The following PRCP variants were observed in gnomAD, a reference collection of about 807,000 sequenced individuals.
PRCP encodes the protein lysosomal Pro-X carboxypeptidase.
A neutral mutation model predicts 54.2 loss-of-function variants in PRCP; 46 were observed. The observed-to-expected ratio is 0.85, with a 90% CI of 0.67 to 1.09. The LOEUF is 1.09. Among genes scored for constraint, PRCP ranks in the 50% least tolerant of loss-of-function variants. PRCP has a pLI of 0.00. For missense variants in PRCP, 613 were observed against 596.8 expected (o/e 1.03, Z -0.28); for synonymous variants, 240 against 212.2 (o/e 1.13, Z -1.14).
rs1410158771 is a variant in PRCP, at chr11:82,823,501, T to G, written c.*1405A>C. 6.6e-6 allele frequency: 1 copy of G among 151,656 alleles called. No individual in the cohort carries two copies. Among genetic ancestry groups the G allele is most frequent in the Non-Finnish European group, 1.5e-5 (1 of 67,992 alleles). 9.4% of individuals were successfully genotyped at this position (151,656 alleles called of 1,614,324 possible). ...GATGCCAGGGAAAGTAAAGGAAATA[T>G]TTCAGCTTTCCATCCCAAGAATGAA... On this transcript the variant is annotated 3_prime_UTR_variant, in exon 9 of 9. Transcript: ENST00000313010.
intron 6 of PRCP, among the ~76,000 whole-genome samples, chr11:82,844,747 A>AAAAAAAAAAAAG (rs756222029): frequency 1.5e-5 from 2 of 136,056 alleles, no homozygotes; most frequent in African/African-American, 5.8e-5. Flanking sequence ...AAAAAAAAAA[A>AAAAAAAAAAAAG]AAAGAAAGAA....
chr11:82,859,852 TA>T, intron 2 of PRCP, 124 bp downstream of exon 2: 16 of 975,450 alleles, frequency 1.6e-5, no homozygotes, highest in Non-Finnish European at 2.2e-5. Flanking sequence ...ATTTTTTTGT[TA>T]TTTTTTACAG....
chr11:82,847,060 T>G (rs1183027282), intron 6 of PRCP, among the ~76,000 whole-genome samples: 1 of 152,226 alleles, frequency 6.6e-6, no homozygotes, highest in Non-Finnish European at 1.5e-5. Context: ...GTTGAGTAAT[T>G]GTGACAGAAA....
At chr11:82,840,667 T>C (rs1247759365) in intron 6 of PRCP, 2 of 152,134 alleles carry the variant, frequency 1.3e-5, no homozygotes, top group Admixed American at 6.6e-5. Flanking sequence ...AATGGAATCA[T>C]AGCTGAATAA....
intron 1 of PRCP, among the ~76,000 whole-genome samples, chr11:82,867,695 T>C (rs938734386): frequency 1.3e-5 from 2 of 152,130 alleles, no homozygotes; most frequent in African/African-American, 4.8e-5. Context: ...CTTATATAAG[T>C]AGTAAAGTCG....
intron 8 of PRCP, among the ~76,000 whole-genome samples, chr11:82,833,255 A>C (rs1174164044): frequency 4.6e-5 from 7 of 152,242 alleles, no homozygotes; most frequent in Non-Finnish European, 7.3e-5. Context: ...TAACTACCAC[A>C]TGGAGTGATA....
At chr11:82,852,322 A>T (rs1179580314) in intron 3 of PRCP, among the ~76,000 whole-genome samples, 1 of 152,214 alleles carries the variant, frequency 6.6e-6, no homozygotes, top group East Asian at 1.9e-4. Context: ...CTTTTTAAAA[A>T]TAAAAACTCC....
chr11:82,835,855 TA>T, intron 8 of PRCP: 1 of 495,276 alleles, frequency 2.0e-6, no homozygotes, highest in South Asian at 1.5e-5. Context: ...TGCTTGGCAA[TA>T]AAAAGAAGAA....
chr11:82,829,419 C>T (rs1258366501), intron 8 of PRCP: 1 of 152,212 alleles, frequency 6.6e-6, no homozygotes, highest in Non-Finnish European at 1.5e-5. Flanking sequence ...AGGCCTTTGC[C>T]TTTGGTTAAT....
At position 82,838,473 on chromosome 11, in the gene PRCP, T is replaced by C. The variant is rs1268970749; in HGVS notation, c.1188A>G (p.Gln396=). 3.7e-6 allele frequency: 6 copies of C among 1,614,138 alleles called. No homozygotes were observed. Among genetic ancestry groups the C allele is most frequent in the Non-Finnish European group, 5.1e-6 (6 of 1,179,970 alleles). ...AGGGCCTTGGTCTCACACCCCACTG[T>C]TGAAAACAGTCATCAGAAAGTTCCT... ...NLKELSDDCF[Q]QWGVRPRPSW... is the part of the protein sequence containing the mutation. The change falls in exon 8 of 9, where the codon CAA becomes CAG. Residue 396 remains glutamine, a synonymous_variant. Transcript: ENST00000313010.
chr11:82,856,897 G>A (rs758226451), intron 2 of PRCP, among the ~76,000 whole-genome samples: 5 of 151,872 alleles, frequency 3.3e-5, no homozygotes, highest in Admixed American at 1.3e-4. Context: ...TTAGCCGGGC[G>A]TGGTGGCAGG....
intron 1 of PRCP, among the ~76,000 whole-genome samples, chr11:82,861,126 C>T (rs1286217691): frequency 1.3e-5 from 2 of 151,596 alleles, no homozygotes; most frequent in East Asian, 1.9e-4. Flanking sequence ...GGTTCATTTG[C>T]CACCATTTGT....
chr11:82,901,346 C>A, upstream of PRCP: 1 of 216,674 alleles, frequency 4.6e-6, no homozygotes, highest in Admixed American at 5.2e-5. Flanking sequence ...CCTGCCACCG[C>A]CCCCTTCCTC....
chr11:82,886,198 G>A (rs1247040509), intron 1 of PRCP, among the ~76,000 whole-genome samples: 2 of 152,300 alleles, frequency 1.3e-5, no homozygotes, highest in Non-Finnish European at 1.5e-5. Flanking sequence ...CTGGTGTTAG[G>A]AGAACTAAAA....
intron 8 of PRCP, chr11:82,827,181 T>C (rs1178441674): frequency 6.6e-6 from 1 of 152,234 alleles, no homozygotes; most frequent in African/African-American, 2.4e-5. Context: ...ATCAAATATA[T>C]GACTTGCAAA....
rs1858150852 is a variant in PRCP, at chr11:82,823,733, T to C, written c.*1173A>G. 1 of 152,116 alleles carries C rather than the reference T, an allele frequency of 6.6e-6. No homozygotes were observed. Among genetic ancestry groups the C allele is most frequent in the African/African-American group, 2.4e-5 (1 of 41,390 alleles). The allele number at this position is 152,116 out of a possible 1,614,324, so 9.4% of individuals were successfully genotyped here. The stretch of plus-strand genomic sequence containing the variant: ...TCTGTCTCTCTGTGTCCCTGAAAGG[T>C]TTTGATCCAACCCTATTTGTTATCC... On this transcript the variant is annotated 3_prime_UTR_variant, in exon 9 of 9. Coordinates refer to ENST00000313010, the MANE Select transcript of PRCP (RefSeq NM_005040.4).
chr11:82,836,307 C>G (rs1177834017), intron 8 of PRCP: 1 of 152,758 alleles, frequency 6.5e-6, no homozygotes, highest in Non-Finnish European at 1.5e-5. Context: ...CAGAAAGAGA[C>G]TGCACATATA....
intron 2 of PRCP, among the ~76,000 whole-genome samples, chr11:82,854,424 A>G (rs1859031224): frequency 1.3e-5 from 2 of 152,200 alleles, no homozygotes; most frequent in Admixed American, 6.5e-5. Flanking sequence ...AAAGAATGAA[A>G]TATCCAGGAA....
intron 2 of PRCP, among the ~76,000 whole-genome samples, chr11:82,856,691 T>C (rs757469151): frequency 7.0e-6 from 1 of 142,482 alleles, no homozygotes; most frequent in Non-Finnish European, 1.5e-5. Context: ...AAAATAAAAG[T>C]CAAGAAAAAA....
Sources: allele counts gnomAD v4.1 joint callset (sites outside exome capture counted in the v4.1 genomes callset), GRCh38; gene constraint gnomAD v4.1.1; transcripts MANE v1.5; gene names NCBI Gene and HGNC (gene_info 2026-07-23, HGNC 2026-07-21).